Variants in TRAF3IP2 observed in about 807,000 individuals in gnomAD.
TRAF3IP2 encodes the protein TRAF3 interacting protein 2.
Under a neutral mutation model 57.9 loss-of-function variants are expected in TRAF3IP2, and 35 were observed. The observed-to-expected ratio is 0.60, with a 90% confidence interval of 0.46 to 0.80. TRAF3IP2 has a LOEUF of 0.80. Ranked by LOEUF, TRAF3IP2 falls within the 30% of genes least tolerant of loss-of-function variation. TRAF3IP2 has a pLI of 0.00. For synonymous variants in TRAF3IP2, 251 were observed against 268.9 expected (o/e 0.93, Z 0.65); for missense variants, 556 against 706.4 (o/e 0.79, Z 2.41).
At chr6:111,571,669 G>A (rs1795836231) in intron 5 of TRAF3IP2, among the ~76,000 whole-genome samples, 1 of 152,100 alleles carries the variant, frequency 6.6e-6, no homozygotes, top group Non-Finnish European at 1.5e-5. Context: ...ACTCACACCT[G>A]TAATCCCAGC....
chr6:111,563,202 C>T (rs527705896), intron 7 of TRAF3IP2, among the ~76,000 whole-genome samples, 163 bp from the exon 8 acceptor site: 1 of 152,316 alleles, frequency 6.6e-6, no homozygotes, highest in East Asian at 1.9e-4. Flanking sequence ...CTATTCCATT[C>T]ACTCATCAGT....
chr6:111,577,483 G>A (rs111961041), intron 3 of TRAF3IP2, among the ~76,000 whole-genome samples: 8 of 150,180 alleles, frequency 5.3e-5, no homozygotes, highest in African/African-American at 2.0e-4. Flanking sequence ...TGACCTCCTG[G>A]GCTCAGGTGA....
At chr6:111,561,464 G>A (rs771197864) in intron 8 of TRAF3IP2, among the ~76,000 whole-genome samples, 4 of 152,064 alleles carry the variant, frequency 2.6e-5, no homozygotes, top group African/African-American at 4.8e-5. Context: ...AAGAGGTGTC[G>A]GGGAGGCTAG....
intron 8 of TRAF3IP2, among the ~76,000 whole-genome samples, chr6:111,560,908 C>T (rs189770005): frequency 2.0e-5 from 3 of 152,126 alleles, no homozygotes; most frequent in Non-Finnish European, 4.4e-5. Context: ...CAGGGCAGGG[C>T]GCAGTGGCTC....
chr6:111,604,744 T>G (rs1796969577), intron 1 of TRAF3IP2, among the ~76,000 whole-genome samples: 1 of 152,188 alleles, frequency 6.6e-6, no homozygotes, highest in Admixed American at 6.5e-5. Flanking sequence ...CATGCTGGAT[T>G]CTGGGAGGTA....
chr6:111,575,586 TCAAAAA>T (rs1562424577), intron 4 of TRAF3IP2, 51 bp downstream of exon 4: 1 of 1,279,100 alleles, frequency 7.8e-7, no homozygotes, highest in Non-Finnish European at 1.0e-6. Context: ...AGACTCCGTC[TCAAAAA>T]AAAAAAAAAA....
At chr6:111,594,123 C>A (rs1796607379) in intron 1 of TRAF3IP2, among the ~76,000 whole-genome samples, 1 of 119,922 alleles carries the variant, frequency 8.3e-6, no homozygotes, top group Non-Finnish European at 1.8e-5. Flanking sequence ...AAGAGCGAGA[C>A]TCCATCTCCA....
Position 111,560,553 on chromosome 6 carries a change from GCCCAA to G in TRAF3IP2, c.1552-1007_1552-1003del, listed in dbSNP as rs1340048694. Among the ~76,000 whole-genome samples the G allele has an allele frequency of 5.3e-5, 8 of 152,332 alleles. No individual in the cohort carries two copies. The East Asian group carries it at 1.5e-3, about 29-fold the overall frequency. The stretch of plus-strand genomic sequence containing the variant: ...AGGCATCATACTGAGTACTGAGGAT[GCCCAA>G]ATGAAAAGGACGCAGGGACTGCCTT... On this transcript the variant is annotated intron_variant, in intron 8 of 8. Coordinates refer to ENST00000368761, the MANE Select transcript of TRAF3IP2 (RefSeq NM_147686.4).
At chr6:111,579,084 A>G (rs762208551) in intron 3 of TRAF3IP2, among the ~76,000 whole-genome samples, 2 of 152,170 alleles carry the variant, frequency 1.3e-5, no homozygotes, top group African/African-American at 2.4e-5. Flanking sequence ...CAATCCCAGC[A>G]CTTTGGGAGG....
Position 111,572,170 on chromosome 6 carries a change from A to G in TRAF3IP2, c.1290+725T>C, listed in dbSNP as rs543937103. ...GAGGAAAGCCAGTCCCCTGAGTAGCATCATGTGGTACTTTATTTATCATAG... is the reference window on the plus strand; with the variant it reads ...GAGGAAAGCCAGTCCCCTGAGTAGCGTCATGTGGTACTTTATTTATCATAG... On this transcript the variant is annotated intron_variant, in intron 5 of 8. Coordinates refer to ENST00000368761, the MANE Select transcript of TRAF3IP2 (RefSeq NM_147686.4). Among the ~76,000 whole-genome samples the G allele has an allele frequency of 5.3e-5, 8 of 152,314 alleles. No homozygotes were observed. In the South Asian group the frequency reaches 1.5e-3, roughly 28 times the overall value.
Position 111,556,028 on chromosome 6 carries a change from G to A in TRAF3IP2, c.*3377C>T, listed in dbSNP as rs959963765. Among the ~76,000 whole-genome samples the A allele has an allele frequency of 6.6e-6, 1 of 151,614 alleles. No homozygotes were observed. Among genetic ancestry groups the A allele is most frequent in the South Asian group, 2.1e-4 (1 of 4,814 alleles). On this transcript the variant is annotated 3_prime_UTR_variant, in exon 9 of 9. Transcript: ENST00000368761. The stretch of plus-strand genomic sequence containing the variant: ...TGAGGCAGGAGAATCGCTTGAACCC[G>A]GGAGGTGGAGGTTGCAGTGAGCTGT...
chr6:111,569,760 A>C (rs1357143108), intron 5 of TRAF3IP2, among the ~76,000 whole-genome samples: 1 of 152,234 alleles, frequency 6.6e-6, no homozygotes, highest in Admixed American at 6.5e-5. Flanking sequence ...CGTCTCAAAA[A>C]AAATTAAATA....
At chr6:111,586,237 T>C (rs1796331006) in intron 2 of TRAF3IP2, among the ~76,000 whole-genome samples, 1 of 147,290 alleles carries the variant, frequency 6.8e-6, no homozygotes, top group Non-Finnish European at 1.5e-5. Context: ...TCCCTCCCCT[T>C]TTTTTTTTTT....
At position 111,580,404 on chromosome 6, in the gene TRAF3IP2, A is replaced by C; in HGVS notation, c.830-15T>G. On this transcript the variant is annotated splice_polypyrimidine_tract_variant and intron_variant, in intron 2 of 8. Coordinates refer to ENST00000368761, the MANE Select transcript of TRAF3IP2 (RefSeq NM_147686.4). ...GTCATGGCCATCTGTAGGTGAAGACAACAAAGACAACAGGGAACATCAACT... is the reference window on the plus strand; with the variant it reads ...GTCATGGCCATCTGTAGGTGAAGACCACAAAGACAACAGGGAACATCAACT... 1.3e-6 allele frequency: 2 copies of C among 1,528,520 alleles called. No homozygotes were observed. The highest frequency in any genetic ancestry group is 2.8e-5 in the African/African-American group (2 of 71,918). The allele number at this position is 1,528,520 out of a possible 1,614,324, so 94.7% of individuals were successfully genotyped here.
chr6:111,567,233 G>A (rs2128371843), intron 6 of TRAF3IP2: 1 of 1,014,658 alleles, frequency 9.9e-7, no homozygotes, highest in Non-Finnish European at 1.2e-6. Context: ...GTGGTGTGCT[G>A]TGCAGCCTGC....
chr6:111,566,325 G>A (rs1795632273), intron 7 of TRAF3IP2, 119 bp downstream of exon 7: 1 of 809,064 alleles, frequency 1.2e-6, no homozygotes, highest in African/African-American at 1.7e-5. Flanking sequence ...GGCAAGCCTG[G>A]AGCTCTTCAC....
chr6:111,585,298 A>C (rs906789796), intron 2 of TRAF3IP2, among the ~76,000 whole-genome samples: 4 of 149,738 alleles, frequency 2.7e-5, no homozygotes, highest in Admixed American at 1.4e-4. Context: ...CTGTTTCCAA[A>C]TTTCATTGAC....
chr6:111,572,877 T>C lies in TRAF3IP2; in HGVS notation c.1290+18A>G. Reference sequence around the variant, plus strand: ...CTCACTATAACTGTTCAGTTATCTATTTGGACAAAATACTTACTGCAGTTT... The same window carrying C: ...CTCACTATAACTGTTCAGTTATCTACTTGGACAAAATACTTACTGCAGTTT... On this transcript the variant is annotated intron_variant, in intron 5 of 8. Coordinates refer to ENST00000368761, the MANE Select transcript of TRAF3IP2 (RefSeq NM_147686.4). 6.2e-7 allele frequency: 1 copy of C among 1,602,162 alleles called. No homozygotes were observed. The highest frequency in any genetic ancestry group is 8.6e-7 in the Non-Finnish European group (1 of 1,169,342).
chr6:111,582,054 GGGGAATGAT>G (rs1796182751), intron 2 of TRAF3IP2, among the ~76,000 whole-genome samples: 1 of 152,214 alleles, frequency 6.6e-6, no homozygotes, highest in Admixed American at 6.5e-5. Context: ...GGAACATTCA[GGGGAATGAT>G]GGCCTCAAGT....
Sources: allele counts gnomAD v4.1 joint callset (sites outside exome capture counted in the v4.1 genomes callset), GRCh38; gene constraint gnomAD v4.1.1; transcripts MANE v1.5; gene names NCBI Gene and HGNC (gene_info 2026-07-23, HGNC 2026-07-21).